The following ADGRG7 variants were observed in gnomAD, a reference collection of about 807,000 sequenced individuals.
ADGRG7 encodes the protein adhesion G protein-coupled receptor G7.
In ADGRG7, 82 loss-of-function variants were observed where a neutral mutation model predicts 88.6. The ratio of observed to expected loss-of-function variants is 0.93; its 90% confidence interval spans 0.77 to 1.11. ADGRG7 has a LOEUF of 1.11. Among genes scored for constraint, ADGRG7 ranks in the 50% most tolerant of loss-of-function variants. The probability of loss-of-function intolerance (pLI) is 0.00; values close to 1 mark genes in which losing one functional copy is unlikely to be tolerated. For synonymous variants in ADGRG7, 381 were observed against 345.2 expected, an observed-to-expected ratio of 1.10 and a Z score of -1.15; for missense variants, 945 against 953.4, an observed-to-expected ratio of 0.99 and a Z score of 0.12.
At position 100,659,763 on chromosome 3, in the gene ADGRG7, C is replaced by A. The variant is rs761227434; in HGVS notation, c.1899C>A (p.Thr633=). Residue 633 remains threonine (T), a synonymous_variant, in exon 14 of 16, where the codon ACC becomes ACA. Coordinates refer to ENST00000273352, the MANE Select transcript of ADGRG7 (RefSeq NM_032787.3). The stretch of plus-strand genomic sequence containing the variant: ...TGTGGTCATTCATCGTACCTGTAAC[C>A]ATTATCCTCATCAGCAATGTTGTTA... ...PLLWSFIVPV[T]IILISNVVMF... The A allele has an allele frequency of 1.2e-6, 2 of 1,613,954 alleles. No individual in the cohort carries two copies. The highest frequency in any genetic ancestry group is 8.5e-7 in the Non-Finnish European group (1 of 1,179,894).
intron 9 of ADGRG7, 37 bp from the exon 10 acceptor site, chr3:100,646,532 T>C (rs1707749915): frequency 1.3e-6 from 2 of 1,557,152 alleles, no homozygotes; most frequent in South Asian, 2.3e-5. Context: ...ATTAAGTATT[T>C]AGAAACAGTA....
intron 15 of ADGRG7, among the ~76,000 whole-genome samples, chr3:100,694,445 T>C (rs943575674): frequency 2.0e-5 from 3 of 152,300 alleles, no homozygotes; most frequent in Admixed American, 6.5e-5. Flanking sequence ...CTTCAGGAAG[T>C]TGAAGATTAT....
chr3:100,612,719 C>T (rs1307072532), intron 1 of ADGRG7, among the ~76,000 whole-genome samples: 1 of 152,182 alleles, frequency 6.6e-6, no homozygotes, highest in Non-Finnish European at 1.5e-5. Context: ...ATTTCCTGCT[C>T]TTTGCCACCA....
intron 1 of ADGRG7, among the ~76,000 whole-genome samples, chr3:100,616,404 A>G (rs1707225363): frequency 6.6e-6 from 1 of 152,196 alleles, no homozygotes; most frequent in Non-Finnish European, 1.5e-5. Context: ...TAAAAAAAGA[A>G]AAATACAGTA....
In ADGRG7 at chr3:100,653,792, AT is replaced by A. The variant is rs879421915; in HGVS notation, c.1380-1030del. On this transcript the variant is annotated intron_variant, in intron 11 of 15. Coordinates refer to ENST00000273352, the MANE Select transcript of ADGRG7 (RefSeq NM_032787.3). ...TACAGTCTCAGAGGACTTTCATGCA[AT>A]TTTTTTTTTTTTCAGCGAGGTGGCT... 7.3e-3 allele frequency among the ~76,000 whole-genome samples: 1,059 copies of A among 144,658 alleles called. 18 individuals carry two copies. Among genetic ancestry groups the A allele is most frequent in the African/African-American group, 0.024 (961 of 39,506 alleles). 94.9% of individuals were successfully genotyped at this position (144,658 alleles called of 152,430 possible).
chr3:100,673,468 T>C (rs2094961175), intron 15 of ADGRG7, among the ~76,000 whole-genome samples: 1 of 24,078 alleles, frequency 4.2e-5, no homozygotes. Context: ...TTTCTTCTTC[T>C]TTTTTTTTTT....
At position 100,695,081 on chromosome 3, in the gene ADGRG7, T is replaced by G; in HGVS notation, c.*80T>G. ...GTTTCTCTCCTTTATTTCCCAGTCC[T>G]CTCAGAAAGTCTTCCTCAATGTATT... is the stretch of plus-strand genomic sequence containing the variant. On this transcript the variant is annotated 3_prime_UTR_variant, in exon 16 of 16. Transcript: ENST00000273352. 7.2e-7 allele frequency: 1 copy of G among 1,397,240 alleles called. No individual in the cohort carries two copies. Among genetic ancestry groups the G allele is most frequent in the Non-Finnish European group, 9.8e-7 (1 of 1,020,440 alleles). The allele number at this position is 1,397,240 out of a possible 1,614,324, so 86.6% of individuals were successfully genotyped here.
chr3:100,618,166 T>G (rs1384377779), intron 1 of ADGRG7, among the ~76,000 whole-genome samples: 2 of 152,336 alleles, frequency 1.3e-5, no homozygotes, highest in African/African-American at 2.4e-5. Context: ...TTCTGTAGGT[T>G]GCCTGTTCAC....
chr3:100,675,660 T>C (rs1482244547), intron 15 of ADGRG7, among the ~76,000 whole-genome samples: 1 of 152,116 alleles, frequency 6.6e-6, no homozygotes, highest in Non-Finnish European at 1.5e-5. Context: ...CTCTATTTTT[T>C]GGAGTAGTTT....
chr3:100,671,312 C>G (rs1193508214), intron 15 of ADGRG7, among the ~76,000 whole-genome samples: 9 of 152,132 alleles, frequency 5.9e-5, no homozygotes, highest in Non-Finnish European at 8.8e-5. Context: ...TGATGATGAG[C>G]TTTTTTTAAA....
chr3:100,631,748 TA>T (rs1186719450), intron 3 of ADGRG7, among the ~76,000 whole-genome samples: 6 of 152,202 alleles, frequency 3.9e-5, no homozygotes, highest in Non-Finnish European at 7.4e-5. Flanking sequence ...CTAAATAAAT[TA>T]AATGAATTGC....
chr3:100,642,834 C>T (rs1315913136), intron 6 of ADGRG7, among the ~76,000 whole-genome samples: 1 of 152,190 alleles, frequency 6.6e-6, no homozygotes, highest in Non-Finnish European at 1.5e-5. Flanking sequence ...ACTTACAAAA[C>T]ATGCTTTGGA....
At chr3:100,639,991 A>G (rs1203499788) in intron 6 of ADGRG7, among the ~76,000 whole-genome samples, 2 of 152,190 alleles carry the variant, frequency 1.3e-5, no homozygotes, top group African/African-American at 4.8e-5. Flanking sequence ...TTTTCTAATA[A>G]TGTTCCATCA....
intron 14 of ADGRG7, among the ~76,000 whole-genome samples, chr3:100,667,266 G>T (rs1397164669): frequency 6.6e-6 from 1 of 152,036 alleles, no homozygotes; most frequent in Non-Finnish European, 1.5e-5. Flanking sequence ...TGCCATGGTG[G>T]TTTGCTGCAC....
chr3:100,677,531 G>A (rs951529080), intron 15 of ADGRG7, among the ~76,000 whole-genome samples: 5 of 152,014 alleles, frequency 3.3e-5, no homozygotes, highest in South Asian at 4.1e-4. Flanking sequence ...AGTGAGTTTC[G>A]TACTTTAACA....
At chr3:100,671,428 G>C (rs9832015) in intron 15 of ADGRG7, among the ~76,000 whole-genome samples, 5,709 of 152,208 alleles carry the variant, frequency 0.038, 373 homozygotes, top group African/African-American at 0.13. Flanking sequence ...ATTTGTTTAA[G>C]TTCTTTGTAG....
At chr3:100,671,597 T>A (rs2094958740) in intron 15 of ADGRG7, among the ~76,000 whole-genome samples, 1 of 152,256 alleles carries the variant, frequency 6.6e-6, no homozygotes, top group Non-Finnish European at 1.5e-5. Flanking sequence ...TTGTTGCCAT[T>A]GCTTTTGGTG....
chr3:100,630,668 A>C (rs1355856741), intron 2 of ADGRG7, 37 bp from the exon 3 acceptor site: 1 of 1,016,608 alleles, frequency 9.8e-7, no homozygotes, highest in Non-Finnish European at 1.3e-6. Flanking sequence ...TTTTTAAAAT[A>C]CAATTTATAA....
chr3:100,659,235 A>G (rs1430636819), intron 13 of ADGRG7, among the ~76,000 whole-genome samples: 1 of 151,856 alleles, frequency 6.6e-6, no homozygotes, highest in Non-Finnish European at 1.5e-5. Context: ...GATCGAGACC[A>G]TCCTGGCTAA....
Sources: allele counts gnomAD v4.1 joint callset (sites outside exome capture counted in the v4.1 genomes callset), GRCh38; gene constraint gnomAD v4.1.1; transcripts MANE v1.5; gene names NCBI Gene and HGNC (gene_info 2026-07-23, HGNC 2026-07-21).